The following FBXO22 variants were observed in gnomAD, a reference collection of about 807,000 sequenced individuals.
The protein encoded by FBXO22 is F-box only protein 22.
Under a neutral mutation model 37.2 loss-of-function variants are expected in FBXO22, and 13 were observed. That is an observed-to-expected ratio of 0.35 (90% CI 0.23 to 0.56). FBXO22 has a LOEUF of 0.56. FBXO22 is among the 20% of genes least tolerant of loss of function. FBXO22 has a pLI of 0.87. For missense variants in FBXO22, 446 were observed against 509.9 expected (o/e 0.87, Z 1.21); for synonymous variants, 189 against 189.1 (o/e 1.00, Z 0.00).
At chr15:75,904,260 C>A in intron 1 of FBXO22, 157 bp downstream of exon 1, 2 of 1,193,366 alleles carry the variant, frequency 1.7e-6, no homozygotes, top group African/African-American at 1.5e-5. Context: ...GAGGTATCTC[C>A]CAGCCGTGGT....
chr15:75,941,945 A>G lies in FBXO22; in HGVS notation c.*8843A>G, dbSNP rs1036551316. 3 of 102,144 alleles carry G rather than the reference A, an allele frequency of 2.9e-5. No homozygotes were observed. The highest frequency in any genetic ancestry group is 1.1e-4 in the African/African-American group (3 of 27,720). The allele number at this position is 102,144 out of a possible 1,614,324, so 6.3% of individuals were successfully genotyped here. A position where few individuals can be genotyped will look rare whatever the true frequency, so the allele number is the denominator to read the frequency against. Reference sequence around the variant, plus strand: ...ACAGTAAATTTTTAAACCACCAAAAAAAAAAAAAAAAAAAAATATGGCCTA... The same window carrying G: ...ACAGTAAATTTTTAAACCACCAAAAGAAAAAAAAAAAAAAAATATGGCCTA... On this transcript the variant is annotated 3_prime_UTR_variant, in exon 7 of 7. Coordinates refer to ENST00000308275, the MANE Select transcript of FBXO22 (RefSeq NM_147188.3).
At position 75,935,433 on chromosome 15, in the gene FBXO22, A is replaced by ATACT. The variant is rs1595921933; in HGVS notation, c.*2334_*2337dup. The ATACT allele has an allele frequency of 6.6e-6, 1 of 152,188 alleles. No homozygotes were observed. Among genetic ancestry groups the ATACT allele is most frequent in the Non-Finnish European group, 1.5e-5 (1 of 68,044 alleles). The allele number at this position is 152,188 out of a possible 1,614,324, so 9.4% of individuals were successfully genotyped here. A position where few individuals can be genotyped will look rare whatever the true frequency, so the allele number is the denominator to read the frequency against. On this transcript the variant is annotated 3_prime_UTR_variant, in exon 7 of 7. Transcript: ENST00000308275. ...CTTTATTTAATCAAGACATTTAAAA[A>ATACT]TACTTATTTCATCTACATACTTTCA...
In FBXO22 at chr15:75,939,335, T is replaced by G. The variant is rs2030700184; in HGVS notation, c.*6233T>G. 6.6e-6 allele frequency: 1 copy of G among 152,128 alleles called. No individual in the cohort carries two copies. The highest frequency in any genetic ancestry group is 2.4e-5 in the African/African-American group (1 of 41,446). 9.4% of individuals were successfully genotyped at this position (152,128 alleles called of 1,614,324 possible). On this transcript the variant is annotated 3_prime_UTR_variant, in exon 7 of 7. Coordinates refer to ENST00000308275, the MANE Select transcript of FBXO22 (RefSeq NM_147188.3). The stretch of plus-strand genomic sequence containing the variant: ...AATCTAGATGAAATGCTCAAAGTCC[T>G]AGAAATGCAAAACGTACTACTGCTG...
At position 75,937,327 on chromosome 15, in the gene FBXO22, G is replaced by A. The variant is rs2030447639; in HGVS notation, c.*4225G>A. 1.4e-5 allele frequency: 2 copies of A among 143,210 alleles called. No individual in the cohort carries two copies. The highest frequency in any genetic ancestry group is 5.1e-5 in the African/African-American group (2 of 38,934). The allele number at this position is 143,210 out of a possible 1,614,324, so 8.9% of individuals were successfully genotyped here. ...GATCGAGACCATCCTGGCTAACACA[G>A]TGAAACCCCATCTCTACTGAAAGTA... On this transcript the variant is annotated 3_prime_UTR_variant, in exon 7 of 7. Transcript: ENST00000308275.
In FBXO22 at chr15:75,903,997, G is replaced by A. The variant is rs370351523; in HGVS notation, c.34G>A (p.Gly12Ser). The A allele has an allele frequency of 5.7e-6, 9 of 1,578,716 alleles. No individual in the cohort carries two copies. In the Admixed American group the frequency reaches 7.2e-5, roughly 13 times the overall value. ...EPVGCCGECR[G>S]SSVDPRSTFV... is the part of the protein sequence containing the mutation. ...GGTAGGCTGCTGCGGCGAGTGCCGC[G>A]GCTCCTCCGTAGACCCGCGGAGCAC... is the stretch of plus-strand genomic sequence containing the variant. The change falls in exon 1 of 7, where the codon GGC (glycine) becomes AGC (serine). Residue 12 changes from glycine (G) to serine (S), a missense_variant. Around this residue, in one of 2 missense-constraint regions of FBXO22, gnomAD observed 131 missense variants for 99.8 expected, o/e 1.31. Coordinates refer to ENST00000308275, the MANE Select transcript of FBXO22 (RefSeq NM_147188.3).
intron 4 of FBXO22, among the ~76,000 whole-genome samples, chr15:75,915,189 T>G (rs1900155621): frequency 6.6e-6 from 1 of 151,902 alleles, no homozygotes; most frequent in Admixed American, 6.6e-5. Context: ...CAGGCTGGTC[T>G]CAAATTCCTG....
intron 6 of FBXO22, chr15:75,930,276 A>G: frequency 7.1e-7 from 1 of 1,408,702 alleles, no homozygotes; most frequent in Non-Finnish European, 9.2e-7. Context: ...TCCTTGAGTC[A>G]CATTCTCCTT....
In FBXO22 at chr15:75,905,228, C is replaced by T. The variant is rs189037798; in HGVS notation, c.279+599C>T. Among the ~76,000 whole-genome samples the T allele has an allele frequency of 3.3e-5, 5 of 152,238 alleles. 1 individual carries two copies. On this transcript the variant is annotated intron_variant, in intron 2 of 6. Transcript: ENST00000308275. The stretch of plus-strand genomic sequence containing the variant: ...AGCAACTTTTTGTTGTCTGTTTTAC[C>T]GGGAAGACAACTGGGTGTGTCTTGC...
intron 2 of FBXO22, among the ~76,000 whole-genome samples, chr15:75,911,797 T>C (rs779728021): frequency 1.3e-5 from 2 of 151,090 alleles, no homozygotes; most frequent in Non-Finnish European, 2.9e-5. Flanking sequence ...CCTCCAATAC[T>C]ATGTTGAATA....
At chr15:75,929,520 T>A (rs569245709) in intron 5 of FBXO22, among the ~76,000 whole-genome samples, 1 of 151,980 alleles carries the variant, frequency 6.6e-6, no homozygotes, top group African/African-American at 2.4e-5. Flanking sequence ...CAGTGTTTTT[T>A]TTTTTTTGTT....
At chr15:75,917,123 T>C (rs1900208660) in intron 4 of FBXO22, 107 bp from the exon 5 acceptor site, 1 of 804,050 alleles carries the variant, frequency 1.2e-6, no homozygotes, top group East Asian at 2.6e-5. Flanking sequence ...TGAAAAACTT[T>C]TACTCAGATA....
intron 3 of FBXO22, 107 bp from the exon 4 acceptor site, chr15:75,914,003 C>T (rs548929834): frequency 1.9e-5 from 14 of 734,652 alleles, no homozygotes; most frequent in East Asian, 5.4e-5. Flanking sequence ...AGAGCATTCT[C>T]GTGTTAAATG....
rs1015492017 is a variant in FBXO22, at chr15:75,937,536, A to G, written c.*4434A>G. The G allele has an allele frequency of 3.3e-5, 5 of 150,604 alleles. No individual in the cohort carries two copies. The highest frequency in any genetic ancestry group is 5.9e-5 in the Non-Finnish European group (4 of 68,164). 9.3% of individuals were successfully genotyped at this position (150,604 alleles called of 1,614,324 possible). On this transcript the variant is annotated 3_prime_UTR_variant, in exon 7 of 7. Coordinates refer to ENST00000308275, the MANE Select transcript of FBXO22 (RefSeq NM_147188.3). ...AAAAAAAAAAAAAAAAAAAAAAGCA[A>G]CTGTCTGAACGAACCTTGTTAGAGC...
intron 3 of FBXO22, among the ~76,000 whole-genome samples, chr15:75,913,624 AT>A (rs1900118782): frequency 6.6e-6 from 1 of 152,180 alleles, no homozygotes. Context: ...ATGAGGTCCC[AT>A]TTACTAAAGT....
intron 5 of FBXO22, among the ~76,000 whole-genome samples, chr15:75,918,273 G>C (rs1224752969): frequency 6.6e-6 from 1 of 152,092 alleles, no homozygotes; most frequent in African/African-American, 2.4e-5. Context: ...GGAAAAAAAG[G>C]GGGTATACAC....
rs186989629 is a variant in FBXO22, at chr15:75,908,272, G to A, written c.279+3643G>A. 4.9e-3 allele frequency among the ~76,000 whole-genome samples: 735 copies of A among 150,088 alleles called. 15 individuals are homozygous for A. The highest frequency in any genetic ancestry group is 0.015 in the African/African-American group (616 of 41,036). Reference sequence around the variant, plus strand: ...AAGACCTAAATCTGTTTTTTGTTTTGTTTGGTTTTTTTTTTTTTTGAGACA... The same window carrying A: ...AAGACCTAAATCTGTTTTTTGTTTTATTTGGTTTTTTTTTTTTTTGAGACA... On this transcript the variant is annotated intron_variant, in intron 2 of 6. Coordinates refer to ENST00000308275, the MANE Select transcript of FBXO22 (RefSeq NM_147188.3).
At chr15:75,931,529 G>A (rs994255973) in intron 6 of FBXO22, among the ~76,000 whole-genome samples, 6 of 152,124 alleles carry the variant, frequency 3.9e-5, no homozygotes, top group Admixed American at 2.0e-4. Context: ...TTCAGAAGAC[G>A]GATTTTGCCC....
At chr15:75,917,978 TGTCTA>T (rs1380979372) in intron 5 of FBXO22, among the ~76,000 whole-genome samples, 1 of 152,240 alleles carries the variant, frequency 6.6e-6, no homozygotes, top group Non-Finnish European at 1.5e-5. Flanking sequence ...GTTGGCTTAA[TGTCTA>T]AGCTTGGATG....
At chr15:75,918,673 A>G (rs957284755) in intron 5 of FBXO22, among the ~76,000 whole-genome samples, 1 of 152,252 alleles carries the variant, frequency 6.6e-6, no homozygotes, top group African/African-American at 2.4e-5. Flanking sequence ...CTCTTCAGCC[A>G]TAAAGGACAT....
Sources: allele counts gnomAD v4.1 joint callset (sites outside exome capture counted in the v4.1 genomes callset), GRCh38; gene constraint gnomAD v4.1.1; regional missense constraint gnomAD v4.1.1; transcripts MANE v1.5; gene names NCBI Gene and HGNC (gene_info 2026-07-23, HGNC 2026-07-21).